The following MAGI2 variants were observed in gnomAD, a reference collection of about 807,000 sequenced individuals.
MAGI2 encodes the protein membrane associated guanylate kinase, WW and PDZ domain containing 2, also known as membrane-associated guanylate kinase, WW and PDZ domain-containing protein 2.
MAGI2 carries 35 observed loss-of-function variants against 133.3 expected under a neutral mutation model. That is an observed-to-expected ratio of 0.26 (90% CI 0.20 to 0.35). MAGI2 has a LOEUF of 0.35. MAGI2 is among the 10% of genes least tolerant of loss of function. The probability of loss-of-function intolerance (pLI) is 1.00; values close to 1 mark genes in which losing one functional copy is unlikely to be tolerated. For synonymous variants in MAGI2, 729 were observed against 710.6 expected (o/e 1.03, Z -0.41); for missense variants, 1,636 against 1,863.4 (o/e 0.88, Z 2.25).
At chr7:79,385,855 A>G (rs1293140786) in intron 1 of MAGI2, among the ~76,000 whole-genome samples, 1 of 151,988 alleles carries the variant, frequency 6.6e-6, no homozygotes, top group Non-Finnish European at 1.5e-5. Context: ...TGTTACGAAG[A>G]AAGTAACTGT....
chr7:78,933,204 C>G (rs1563679696), intron 2 of MAGI2, among the ~76,000 whole-genome samples: 1 of 152,106 alleles, frequency 6.6e-6, no homozygotes, highest in Non-Finnish European at 1.5e-5. Context: ...GTTCTCCTCA[C>G]TCTCCAACTG....
chr7:79,154,830 CT>C (rs1404866868), intron 1 of MAGI2, among the ~76,000 whole-genome samples: 1 of 152,142 alleles, frequency 6.6e-6, no homozygotes, highest in Non-Finnish European at 1.5e-5. Flanking sequence ...TGCTCTTTTA[CT>C]CCTTTAAATG....
At chr7:79,373,651 T>A (rs6977556) in intron 1 of MAGI2, among the ~76,000 whole-genome samples, 19,636 of 151,914 alleles carry the variant, frequency 0.13, 1,385 homozygotes, top group Middle Eastern at 0.19. Flanking sequence ...GAAAACCCAA[T>A]AGGTAAACAT....
chr7:78,510,320 T>C (rs1251709737), intron 4 of MAGI2, among the ~76,000 whole-genome samples: 2 of 152,152 alleles, frequency 1.3e-5, no homozygotes, highest in Non-Finnish European at 2.9e-5. Context: ...AACTGTACAA[T>C]GGGGATAATG....
intron 1 of MAGI2, among the ~76,000 whole-genome samples, chr7:79,232,421 C>A (rs1831452471): frequency 6.9e-6 from 1 of 144,496 alleles, no homozygotes; most frequent in Non-Finnish European, 1.5e-5. Context: ...TCCATCTGGT[C>A]CTGGACTCTT....
chr7:78,670,966 C>G (rs191392079), intron 2 of MAGI2, among the ~76,000 whole-genome samples: 1 of 152,006 alleles, frequency 6.6e-6, no homozygotes, highest in African/African-American at 2.4e-5. Flanking sequence ...AAAGCCAACT[C>G]GAAAATACTT....
Position 78,392,152 on chromosome 7 carries a change from G to A in MAGI2, c.1046-22939C>T, listed in dbSNP as rs148503585. ...TACTTGGAGACGTAAAAGTATCCAC[G>A]GGTAAAAGTAGAAATGGATCTGTAA... On this transcript the variant is annotated intron_variant, in intron 6 of 21. Transcript: ENST00000354212. Among the ~76,000 whole-genome samples the A allele has an allele frequency of 7.8e-3, 1,184 of 152,244 alleles. 14 individuals carry two copies. Among genetic ancestry groups the A allele is most frequent in the African/African-American group, 0.027 (1,104 of 41,546 alleles).
At chr7:79,229,794 A>AAT (rs1831197277) in intron 1 of MAGI2, among the ~76,000 whole-genome samples, 3 of 151,538 alleles carry the variant, frequency 2.0e-5, no homozygotes, top group African/African-American at 7.3e-5. Flanking sequence ...TTTTTTAAAA[A>AAT]TTTTTTTTTA....
intron 6 of MAGI2, among the ~76,000 whole-genome samples, chr7:78,474,873 A>C (rs918440303): frequency 6.6e-6 from 1 of 151,962 alleles, no homozygotes; most frequent in South Asian, 2.1e-4. Flanking sequence ...AGGGAAGTCA[A>C]TTCAAAGGAG....
At chr7:79,209,027 C>T (rs1444610327) in intron 1 of MAGI2, among the ~76,000 whole-genome samples, 2 of 151,668 alleles carry the variant, frequency 1.3e-5, no homozygotes, top group African/African-American at 2.4e-5. Flanking sequence ...GGGTGGTCGT[C>T]GGGGCAGGGG....
At chr7:78,634,284 T>C (rs1055747823) in intron 2 of MAGI2, among the ~76,000 whole-genome samples, 3 of 152,226 alleles carry the variant, frequency 2.0e-5, no homozygotes, top group African/African-American at 7.2e-5. Context: ...CCTAGGCTGC[T>C]AGAAGGTTTT....
At chr7:79,305,284 C>T (rs1487447396) in intron 1 of MAGI2, among the ~76,000 whole-genome samples, 1 of 152,054 alleles carries the variant, frequency 6.6e-6, no homozygotes, top group Non-Finnish European at 1.5e-5. Context: ...AGTATGAGCT[C>T]AGTCACTTCA....
At chr7:79,355,225 G>C (rs1168942195) in intron 1 of MAGI2, among the ~76,000 whole-genome samples, 4 of 152,136 alleles carry the variant, frequency 2.6e-5, no homozygotes, top group Non-Finnish European at 5.9e-5. Flanking sequence ...TCCCCAGGCA[G>C]CATAAAAGAA....
intron 2 of MAGI2, among the ~76,000 whole-genome samples, chr7:78,822,513 T>C (rs1051177001): frequency 5.9e-5 from 9 of 152,162 alleles, no homozygotes; most frequent in African/African-American, 2.2e-4. Context: ...GTGGGTGTTG[T>C]TTGCTTTTTT....
intron 1 of MAGI2, among the ~76,000 whole-genome samples, chr7:79,139,334 C>T (rs1265367492): frequency 6.6e-6 from 1 of 152,194 alleles, no homozygotes; most frequent in Non-Finnish European, 1.5e-5. Context: ...TACCACCTAC[C>T]ATGCTAAGGT....
At chr7:79,357,423 A>G (rs1394313159) in intron 1 of MAGI2, among the ~76,000 whole-genome samples, 1 of 152,234 alleles carries the variant, frequency 6.6e-6, no homozygotes, top group Non-Finnish European at 1.5e-5. Flanking sequence ...TTGTTTGCCT[A>G]CCAAGGAAAC....
At chr7:78,107,488 AT>A (rs1181338149) in intron 20 of MAGI2, among the ~76,000 whole-genome samples, 1 of 152,070 alleles carries the variant, frequency 6.6e-6, no homozygotes, top group Non-Finnish European at 1.5e-5. Flanking sequence ...AACATAAAAC[AT>A]TTCCTGTGTG....
At chr7:78,283,882 A>G (rs11771016) in intron 9 of MAGI2, among the ~76,000 whole-genome samples, 9,107 of 152,206 alleles carry the variant, frequency 0.06, 368 homozygotes, top group East Asian at 0.1. Flanking sequence ...CATGTATTCT[A>G]TTTAATTTAT....
intron 10 of MAGI2, among the ~76,000 whole-genome samples, chr7:78,232,054 GA>G (rs528262127): frequency 6.8e-5 from 10 of 147,168 alleles, no homozygotes; most frequent in East Asian, 4.0e-4. Context: ...TATTCCACAA[GA>G]AAAAAAAAAC....
Sources: gnomAD v4.1 joint callset for allele counts (sites outside exome capture counted in the v4.1 genomes callset) on GRCh38, gnomAD v4.1.1 for gene constraint, MANE v1.5 for transcripts, NCBI Gene and HGNC (gene_info 2026-07-23, HGNC 2026-07-21) for gene names.